Variants in RASGRP1 observed in about 807,000 individuals in gnomAD.
RASGRP1 encodes RAS guanyl releasing protein 1, also known as RAS guanyl-releasing protein 1.
In RASGRP1, 37 loss-of-function variants were observed where a neutral mutation model predicts 95.1. The observed-to-expected ratio is 0.39, with a 90% confidence interval of 0.30 to 0.51. The LOEUF is 0.51. Ranked by LOEUF, RASGRP1 falls within the 20% of genes least tolerant of loss-of-function variation. The pLI is 0.80. For missense variants in RASGRP1, 711 were observed against 965.4 expected (o/e 0.74, Z 3.49); for synonymous variants, 325 against 353.4 (o/e 0.92, Z 0.90).
chr15:38,525,018 A>G (rs1892160882), intron 3 of RASGRP1, among the ~76,000 whole-genome samples: 1 of 148,552 alleles, frequency 6.7e-6, no homozygotes, highest in Non-Finnish European at 1.5e-5. Context: ...CCCAGGCTGG[A>G]GTGCAGTGGT....
intron 2 of RASGRP1, among the ~76,000 whole-genome samples, chr15:38,535,547 A>C (rs1339891392): frequency 6.6e-6 from 1 of 151,980 alleles, no homozygotes; most frequent in Non-Finnish European, 1.5e-5. Flanking sequence ...AGGGGGTGAA[A>C]ATTCACGTCC....
rs901020599 is a variant in RASGRP1, at chr15:38,542,831, A to ATG, written c.221-16429_221-16428dup. 6.0e-4 allele frequency among the ~76,000 whole-genome samples: 79 copies of ATG among 131,374 alleles called. 1 individual carries two copies. Among genetic ancestry groups the ATG allele is most frequent in the Non-Finnish European group, 9.7e-4 (63 of 64,698 alleles). 86.2% of individuals were successfully genotyped at this position (131,374 alleles called of 152,430 possible). On this transcript the variant is annotated intron_variant, in intron 2 of 16. Transcript: ENST00000310803. ...GTTCTTGTCAGATATATACATATAT[A>ATG]TGTGTATATATATATATGTGTATAT...
At chr15:38,505,623 C>T (rs1891223310) in intron 10 of RASGRP1, among the ~76,000 whole-genome samples, 1 of 152,146 alleles carries the variant, frequency 6.6e-6, no homozygotes. Context: ...ACACATTAGG[C>T]TTATCCCTTC....
At position 38,564,728 on chromosome 15, in the gene RASGRP1, C is replaced by T; in HGVS notation, c.-100G>A. ...CGCCGCCTGCCGGCTCTCTCCCCCC[C>T]GGGCCTCGTAGCCCCGGCGCCCGCC... On this transcript the variant is annotated 5_prime_UTR_variant, in exon 1 of 17. Transcript: ENST00000310803. 4 of 1,042,478 alleles carry T rather than the reference C, an allele frequency of 3.8e-6. No individual in the cohort carries two copies. In the South Asian group the frequency reaches 1.9e-4, roughly 49 times the overall value. The allele number at this position is 1,042,478 out of a possible 1,614,324, so 64.6% of individuals were successfully genotyped here.
rs987909315 is a variant in RASGRP1, at chr15:38,502,435, GT to G, written c.1429-15del. ...CTTGAAGACAGACTGTGAAAAAGGA[GT>G]TTTTTTGGTGATTACTAAAGAGAAA... On this transcript the variant is annotated splice_polypyrimidine_tract_variant and intron_variant, in intron 11 of 16. Transcript: ENST00000310803. 6.6e-6 allele frequency: 10 copies of G among 1,511,762 alleles called. No individual in the cohort carries two copies. The highest frequency in any genetic ancestry group is 1.1e-5 in the South Asian group (1 of 87,368). The allele number at this position is 1,511,762 out of a possible 1,614,324, so 93.6% of individuals were successfully genotyped here. A position where few individuals can be genotyped will look rare whatever the true frequency, so the allele number is the denominator to read the frequency against.
intron 2 of RASGRP1, among the ~76,000 whole-genome samples, chr15:38,554,994 C>T (rs1364827719): frequency 6.6e-6 from 1 of 152,190 alleles, no homozygotes; most frequent in Non-Finnish European, 1.5e-5. Flanking sequence ...ATGTCATGGC[C>T]CTTGGCTTCT....
At chr15:38,547,856 TGC>T (rs775014613) in intron 2 of RASGRP1, among the ~76,000 whole-genome samples, 5 of 151,876 alleles carry the variant, frequency 3.3e-5, no homozygotes, top group Admixed American at 6.6e-5. Flanking sequence ...TGTGTGTGTG[TGC>T]GCGCGCGCGT....
In RASGRP1 at chr15:38,563,289, T is replaced by TA. The variant is rs1036074169; in HGVS notation, c.35+1304dup. Among the ~76,000 whole-genome samples the TA allele has an allele frequency of 5.7e-4, 87 of 152,208 alleles. No individual in the cohort carries two copies. The Middle Eastern group carries it at 0.034, about 60-fold the overall frequency. ...TCTGAGTCTGTAAAGGCATATTTTT[T>TA]AAAAAAATACAGTAGCCAAATGTTT... On this transcript the variant is annotated intron_variant, in intron 1 of 16. Coordinates refer to ENST00000310803, the MANE Select transcript of RASGRP1 (RefSeq NM_005739.4).
intron 16 of RASGRP1, among the ~76,000 whole-genome samples, chr15:38,493,041 T>C (rs1473757830): frequency 5.3e-5 from 8 of 151,266 alleles, no homozygotes; most frequent in African/African-American, 1.7e-4. Flanking sequence ...TTACCACGCC[T>C]GGCTAATTTT....
At chr15:38,535,832 TG>T (rs1386110081) in intron 2 of RASGRP1, among the ~76,000 whole-genome samples, 1 of 152,204 alleles carries the variant, frequency 6.6e-6, no homozygotes, top group East Asian at 1.9e-4. Context: ...TGGCCTTCCT[TG>T]GGGATTGCAG....
chr15:38,550,242 C>CAAAAAAAAAAAAA (rs56383365), intron 2 of RASGRP1, among the ~76,000 whole-genome samples: 1 of 89,046 alleles, frequency 1.1e-5, no homozygotes, highest in Non-Finnish European at 2.5e-5. Flanking sequence ...ACTCTGTCGC[C>CAAAAAAAAAAAAA]AAAAAAAAAA....
At chr15:38,498,164 T>C (rs953507092) in intron 15 of RASGRP1, among the ~76,000 whole-genome samples, 50 of 152,272 alleles carry the variant, frequency 3.3e-4, no homozygotes, top group Admixed American at 5.9e-4. Flanking sequence ...GATTTTTCCT[T>C]CTCAATTTTA....
Position 38,512,834 on chromosome 15 carries a change from G to A in RASGRP1, c.798C>T (p.Pro266=), listed in dbSNP as rs1891591480. The A allele has an allele frequency of 6.2e-7, 1 of 1,613,610 alleles. No individual in the cohort carries two copies. Among genetic ancestry groups the A allele is most frequent in the South Asian group, 1.1e-5 (1 of 91,074 alleles). ...AGACTTCTGCTCGGAGCTGCGGCGT[G>A]GGGCGGCTGAGAACCATCAGTTGTA... ...QWVQLMVLSR[P]TPQLRAEVFI... Residue 266 remains proline, a synonymous_variant, in exon 7 of 17, where the codon CCC becomes CCT. Transcript: ENST00000310803.
intron 2 of RASGRP1, among the ~76,000 whole-genome samples, chr15:38,527,117 A>G (rs1454095852): frequency 1.3e-5 from 2 of 152,230 alleles, no homozygotes; most frequent in Admixed American, 1.3e-4. Flanking sequence ...GGGTAAAAAG[A>G]TTCCCCTTGG....
intron 2 of RASGRP1, among the ~76,000 whole-genome samples, chr15:38,542,842 T>TATATATGTGTATATATATATAC (rs769590272): frequency 0.21 from 24,674 of 114,788 alleles, 3,268 homozygotes; most frequent in East Asian, 0.37. Context: ...TGTGTATATA[T>TATATATGTGTATATATATATAC]ATATATGTGT....
intron 2 of RASGRP1, among the ~76,000 whole-genome samples, chr15:38,527,551 C>T (rs2141142529): frequency 6.6e-6 from 1 of 152,322 alleles, no homozygotes; most frequent in South Asian, 2.1e-4. Flanking sequence ...CCCTTCATTA[C>T]AATGTCTTCA....
At chr15:38,514,299 G>A (rs929636840) in intron 6 of RASGRP1, among the ~76,000 whole-genome samples, 12 of 152,096 alleles carry the variant, frequency 7.9e-5, no homozygotes, top group Admixed American at 1.3e-4. Context: ...CCTTAAGAGA[G>A]ATATATAAAG....
In RASGRP1 at chr15:38,511,682, A is replaced by G. The variant is rs1357947394; in HGVS notation, c.888T>C (p.Ala296=). 1.2e-6 allele frequency: 2 copies of G among 1,613,552 alleles called. No individual in the cohort carries two copies. The highest frequency in any genetic ancestry group is 1.7e-6 in the Non-Finnish European group (2 of 1,179,664). The stretch of plus-strand genomic sequence containing the variant: ...AGCTGTGACACAGCCCACCTATCAC[A>G]GCCATCAGTGTATTGAAGTTCTGTA... ...HQLQNFNTLM[A]VIGGLCHSSI... is the part of the protein sequence containing the mutation. Residue 296 remains alanine (A), a synonymous_variant, in exon 8 of 17, where the codon GCT becomes GCC. Transcript: ENST00000310803.
intron 2 of RASGRP1, among the ~76,000 whole-genome samples, chr15:38,531,762 AC>A (rs934929008): frequency 3.3e-5 from 5 of 151,516 alleles, no homozygotes; most frequent in African/African-American, 4.9e-5. Context: ...CTCTCTCTAC[AC>A]CCAGTCCAGA....
Sources: allele counts gnomAD v4.1 joint callset (sites outside exome capture counted in the v4.1 genomes callset), GRCh38; gene constraint gnomAD v4.1.1; transcripts MANE v1.5; gene names NCBI Gene and HGNC (gene_info 2026-07-23, HGNC 2026-07-21).